Variants in AKAP6 observed in about 807,000 individuals in gnomAD.
AKAP6 encodes the protein A-kinase anchor protein 6.
AKAP6 carries 58 observed loss-of-function variants against 188.5 expected under a neutral mutation model. That is an observed-to-expected ratio of 0.31 (90% CI 0.25 to 0.38). AKAP6 has a LOEUF of 0.38. AKAP6 is among the 10% of genes least tolerant of loss of function. AKAP6 has a pLI of 1.00. For synonymous variants in AKAP6, 989 were observed against 998.6 expected (o/e 0.99, Z 0.18); for missense variants, 2,710 against 2,740.0 (o/e 0.99, Z 0.24).
At chr14:32,579,498 A>G (rs368807499) in intron 5 of AKAP6, among the ~76,000 whole-genome samples, 2 of 152,122 alleles carry the variant, frequency 1.3e-5, no homozygotes, top group African/African-American at 4.8e-5. Flanking sequence ...ACAGTCTCAA[A>G]TTTGACTTCC....
intron 2 of AKAP6, chr14:32,473,717 C>G (rs1594651842): frequency 1.3e-5 from 2 of 152,350 alleles, no homozygotes; most frequent in East Asian, 1.9e-4. Context: ...TGGTAGGTAA[C>G]TGCCTGGTCT....
chr14:32,396,841 C>G (rs555101056), intron 1 of AKAP6, among the ~76,000 whole-genome samples: 1 of 152,236 alleles, frequency 6.6e-6, no homozygotes, highest in East Asian at 1.9e-4. Flanking sequence ...TGCTGGTTTT[C>G]CAGTTACATG....
intron 12 of AKAP6, among the ~76,000 whole-genome samples, chr14:32,786,081 A>T (rs1242937075): frequency 6.6e-6 from 1 of 152,088 alleles, no homozygotes; most frequent in Admixed American, 6.6e-5. Flanking sequence ...GAGTGGGTGC[A>T]TCTGGGGAGA....
intron 12 of AKAP6, among the ~76,000 whole-genome samples, chr14:32,799,286 G>C (rs892246961): frequency 6.6e-6 from 1 of 151,962 alleles, no homozygotes; most frequent in African/African-American, 2.4e-5. Context: ...TTTCTCTGCT[G>C]TTTCCTTGTT....
At chr14:32,724,124 T>C (rs765079099) in intron 9 of AKAP6, among the ~76,000 whole-genome samples, 4 of 152,200 alleles carry the variant, frequency 2.6e-5, no homozygotes, top group Non-Finnish European at 4.4e-5. Context: ...CTGCTACATT[T>C]AGGTATTTGA....
chr14:32,630,624 A>G (rs1594796594), intron 7 of AKAP6, among the ~76,000 whole-genome samples: 1 of 152,052 alleles, frequency 6.6e-6, no homozygotes, highest in South Asian at 2.1e-4. Context: ...TGAAATTATA[A>G]CCTGTTATGC....
intron 12 of AKAP6, among the ~76,000 whole-genome samples, chr14:32,778,019 A>G (rs2033121341): frequency 6.6e-6 from 1 of 152,234 alleles, no homozygotes; most frequent in African/African-American, 2.4e-5. Flanking sequence ...AGCCTGGATG[A>G]CAGTCAGACC....
chr14:32,644,789 C>G (rs1285522548), intron 7 of AKAP6, among the ~76,000 whole-genome samples: 3 of 152,082 alleles, frequency 2.0e-5, no homozygotes, highest in Non-Finnish European at 2.9e-5. Flanking sequence ...TTTTGTCCTT[C>G]TCAATTAATG....
rs148674147 is a variant in AKAP6, at chr14:32,721,391, T to C, written c.3001-11063T>C. On this transcript the variant is annotated intron_variant, in intron 9 of 13. Transcript: ENST00000280979. ...ATGAAGGAAATTTTTGAGGGTGATATTTATCTTGAAGTTTATGTCTTTTAA... is the reference window on the plus strand; with the variant it reads ...ATGAAGGAAATTTTTGAGGGTGATACTTATCTTGAAGTTTATGTCTTTTAA... 4.1e-3 allele frequency among the ~76,000 whole-genome samples: 628 copies of C among 152,280 alleles called. 7 individuals are homozygous for C. Among genetic ancestry groups the C allele is most frequent in the African/African-American group, 0.014 (587 of 41,548 alleles).
At chr14:32,736,461 G>A (rs2031430563) in intron 11 of AKAP6, among the ~76,000 whole-genome samples, 1 of 151,996 alleles carries the variant, frequency 6.6e-6, no homozygotes, top group Non-Finnish European at 1.5e-5. Flanking sequence ...ATTTCCCCTG[G>A]TTTGTTCCTA....
intron 1 of AKAP6, among the ~76,000 whole-genome samples, chr14:32,370,239 T>C (rs1387055546): frequency 6.6e-6 from 1 of 152,152 alleles, no homozygotes; most frequent in Non-Finnish European, 1.5e-5. Flanking sequence ...AACCAGAAAC[T>C]GCTGTTGGAA....
At chr14:32,340,632 C>G (rs17098781) in intron 1 of AKAP6, among the ~76,000 whole-genome samples, 15,195 of 152,174 alleles carry the variant, frequency 0.1, 1,349 homozygotes, top group African/African-American at 0.24. Context: ...TGCTCATGTA[C>G]CTGAAAACAT....
intron 7 of AKAP6, among the ~76,000 whole-genome samples, chr14:32,646,141 T>G (rs183991895): frequency 1.1e-3 from 165 of 152,102 alleles, no homozygotes; most frequent in African/African-American, 3.6e-3. Flanking sequence ...TATTGAGTAT[T>G]GAAAAAGTGG....
intron 9 of AKAP6, among the ~76,000 whole-genome samples, chr14:32,711,562 ATG>A (rs1891053930): frequency 6.6e-6 from 1 of 152,082 alleles, no homozygotes; most frequent in African/African-American, 2.4e-5. Context: ...TAGCTTCGCC[ATG>A]ATTCAGTCCC....
At chr14:32,658,666 G>A (rs1594819555) in intron 7 of AKAP6, among the ~76,000 whole-genome samples, 2 of 151,268 alleles carry the variant, frequency 1.3e-5, no homozygotes, top group East Asian at 3.9e-4. Flanking sequence ...TTTGCATCTA[G>A]TAGGGTTTCA....
chr14:32,677,954 G>A (rs1889503218), intron 7 of AKAP6, among the ~76,000 whole-genome samples: 1 of 151,916 alleles, frequency 6.6e-6, no homozygotes. Context: ...GGTTGGAGGG[G>A]GATTTTTAAA....
chr14:32,610,396 C>G (rs535460143), intron 7 of AKAP6, among the ~76,000 whole-genome samples: 2 of 152,262 alleles, frequency 1.3e-5, no homozygotes, highest in South Asian at 4.2e-4. Flanking sequence ...TGGCTTTTCT[C>G]ATTCCCTCCA....
intron 2 of AKAP6, among the ~76,000 whole-genome samples, chr14:32,462,919 A>AAG (rs1555330724): frequency 1.5e-5 from 2 of 135,018 alleles, no homozygotes; most frequent in East Asian, 4.2e-4. Context: ...AAAAAAAAAA[A>AAG]AAAAAAACCC....
At chr14:32,571,384 T>C (rs1884480318) in intron 4 of AKAP6, among the ~76,000 whole-genome samples, 2 of 151,968 alleles carry the variant, frequency 1.3e-5, no homozygotes, top group Non-Finnish European at 2.9e-5. Flanking sequence ...AAAAAAATTA[T>C]CTGGGTGTGA....
Sources: allele counts gnomAD v4.1 joint callset (sites outside exome capture counted in the v4.1 genomes callset), GRCh38; gene constraint gnomAD v4.1.1; transcripts MANE v1.5; gene names NCBI Gene and HGNC (gene_info 2026-07-23, HGNC 2026-07-21).